The following PLEKHA7 variants were observed in gnomAD, a reference collection of about 807,000 sequenced individuals.
The protein encoded by PLEKHA7 is pleckstrin homology domain containing A7, also known as pleckstrin homology domain-containing family A member 7.
A neutral mutation model predicts 170.0 loss-of-function variants in PLEKHA7; 104 were observed. The observed-to-expected ratio is 0.61, with a 90% CI of 0.52 to 0.72. The LOEUF is 0.72. PLEKHA7 is among the 30% of genes least tolerant of loss of function. PLEKHA7 has a pLI of 0.00. For missense variants in PLEKHA7, 1,615 were observed against 1,671.7 expected (o/e 0.97, Z 0.59); for synonymous variants, 648 against 660.8 (o/e 0.98, Z 0.30).
chr11:16,954,337 G>A (rs1861573249), intron 3 of PLEKHA7, among the ~76,000 whole-genome samples: 1 of 151,994 alleles, frequency 6.6e-6, no homozygotes, highest in Admixed American at 6.6e-5. Flanking sequence ...GCAACACTGT[G>A]AGACTCCATC....
intron 3 of PLEKHA7, among the ~76,000 whole-genome samples, chr11:16,894,926 T>C (rs1034181024): frequency 3.3e-5 from 5 of 152,068 alleles, no homozygotes; most frequent in African/African-American, 1.2e-4. Flanking sequence ...TCATATCGTA[T>C]TACCATCCTA....
chr11:16,792,134 C>T (rs1038469350), intron 19 of PLEKHA7, among the ~76,000 whole-genome samples: 1 of 151,576 alleles, frequency 6.6e-6, no homozygotes, highest in Non-Finnish European at 1.5e-5. Flanking sequence ...GCCTAAGATA[C>T]GCACTGGTTC....
chr11:16,882,364 C>A (rs1232009399), intron 3 of PLEKHA7, among the ~76,000 whole-genome samples: 1 of 152,160 alleles, frequency 6.6e-6, no homozygotes, highest in African/African-American at 2.4e-5. Context: ...AGCTTTAGGG[C>A]CCCTCACTTT....
chr11:17,004,821 C>G (rs1864887670), intron 3 of PLEKHA7, among the ~76,000 whole-genome samples: 1 of 152,174 alleles, frequency 6.6e-6, no homozygotes, highest in African/African-American at 2.4e-5. Context: ...AACATTAACT[C>G]AAAATATTTC....
At chr11:16,887,055 T>C (rs937072857) in intron 3 of PLEKHA7, among the ~76,000 whole-genome samples, 21 of 151,838 alleles carry the variant, frequency 1.4e-4, no homozygotes, top group East Asian at 5.8e-4. Context: ...GTTGAGAAAA[T>C]TGAAAAACAA....
intron 3 of PLEKHA7, among the ~76,000 whole-genome samples, chr11:16,917,130 A>T (rs1278439563): frequency 1.3e-5 from 2 of 152,096 alleles, no homozygotes; most frequent in Non-Finnish European, 2.9e-5. Context: ...GAGTCAGGAG[A>T]ATCACTTGAA....
chr11:16,965,452 A>G (rs200956728), intron 3 of PLEKHA7, among the ~76,000 whole-genome samples: 1 of 152,202 alleles, frequency 6.6e-6, no homozygotes, highest in East Asian at 1.9e-4. Context: ...AACTCACAAA[A>G]CCCACCACCC....
In PLEKHA7 at chr11:16,967,867, C is replaced by T. The variant is rs145988811; in HGVS notation, c.221+46122G>A. Among the ~76,000 whole-genome samples the T allele has an allele frequency of 3.9e-3, 591 of 152,292 alleles. 5 individuals carry two copies. The highest frequency in any genetic ancestry group is 0.012 in the African/African-American group (507 of 41,558). ...CACCCCACCCCTCACCAGCCAACTT[C>T]AGACCTTTCTTTAGACTAATTGCCC... On this transcript the variant is annotated intron_variant, in intron 3 of 26. Transcript: ENST00000531066.
In PLEKHA7 at chr11:16,827,398, A is replaced by T. The variant is rs555862327; in HGVS notation, c.873-808T>A. On this transcript the variant is annotated intron_variant, in intron 9 of 26. Coordinates refer to ENST00000531066, the MANE Select transcript of PLEKHA7 (RefSeq NM_001329630.2). Reference sequence around the variant, plus strand: ...AGATCGATTATTTGCTCAAGATCAAACAGCTGGAACAGAGTGGAGCCTGGG... The same window carrying T: ...AGATCGATTATTTGCTCAAGATCAATCAGCTGGAACAGAGTGGAGCCTGGG... 1.1e-4 allele frequency among the ~76,000 whole-genome samples: 17 copies of T among 152,376 alleles called. 1 individual carries two copies. The East Asian group carries it at 3.3e-3, about 29-fold the overall frequency.
At position 16,826,359 on chromosome 11, in the gene PLEKHA7, G is replaced by A. The variant is rs186309558; in HGVS notation, c.1104C>T (p.Ala368=). 1.1e-4 allele frequency: 171 copies of A among 1,614,242 alleles called. No individual in the cohort carries two copies. The Middle Eastern group carries it at 1.3e-3, about 12-fold the overall frequency. Residue 368 remains alanine, a synonymous_variant, in exon 10 of 27, where the codon GCC becomes GCT. Transcript: ENST00000531066. ...AATCCATAAACAAGGCATCCTCCTC[G>A]GCTGGCGAGTACGGAGACCTGGCCT... is the stretch of plus-strand genomic sequence containing the variant. The part of the protein sequence containing the change: ...RSKARSPYSP[A]EEDALFMDLP...
At chr11:16,964,166 A>C (rs1862231088) in intron 3 of PLEKHA7, among the ~76,000 whole-genome samples, 1 of 152,230 alleles carries the variant, frequency 6.6e-6, no homozygotes, top group African/African-American at 2.4e-5. Flanking sequence ...TTCAGGGCTC[A>C]GTAATATTCA....
chr11:16,936,524 G>T (rs1037131366), intron 3 of PLEKHA7, among the ~76,000 whole-genome samples: 1 of 151,768 alleles, frequency 6.6e-6, no homozygotes, highest in Non-Finnish European at 1.5e-5. Flanking sequence ...GTACTTCCTG[G>T]CATGTTGTCA....
intron 6 of PLEKHA7, among the ~76,000 whole-genome samples, chr11:16,854,657 G>C (rs923374079): frequency 6.6e-6 from 1 of 152,192 alleles, no homozygotes; most frequent in Non-Finnish European, 1.5e-5. Context: ...ATAGCACCAG[G>C]GGCCAAAGTG....
rs141866123 is a variant in PLEKHA7, at chr11:16,867,474, C to T, written c.305+3625G>A. 8.8e-4 allele frequency among the ~76,000 whole-genome samples: 134 copies of T among 152,256 alleles called. 1 individual carries two copies. The highest frequency in any genetic ancestry group is 3.0e-3 in the African/African-American group (125 of 41,550). On this transcript the variant is annotated intron_variant, in intron 4 of 26. Transcript: ENST00000531066. ...TCTTTGGAGAAGAAAAAGAAAGGAGCCAGTTTTCCTTTTTCCACCCAAGAC... is the reference window on the plus strand; with the variant it reads ...TCTTTGGAGAAGAAAAAGAAAGGAGTCAGTTTTCCTTTTTCCACCCAAGAC...
At chr11:16,846,006 C>T (rs1344635481) in intron 8 of PLEKHA7, among the ~76,000 whole-genome samples, 4 of 152,016 alleles carry the variant, frequency 2.6e-5, no homozygotes, top group Admixed American at 1.3e-4. Context: ...GAAAAGAGGC[C>T]GGGTGTAGTG....
At chr11:16,833,035 T>C (rs1380258981) in intron 9 of PLEKHA7, among the ~76,000 whole-genome samples, 2 of 152,190 alleles carry the variant, frequency 1.3e-5, no homozygotes, top group Non-Finnish European at 2.9e-5. Flanking sequence ...CTCTTTTGAA[T>C]GAGTTCCTAG....
intron 3 of PLEKHA7, among the ~76,000 whole-genome samples, chr11:16,928,099 T>C (rs1348216698): frequency 6.6e-6 from 1 of 152,162 alleles, no homozygotes; most frequent in African/African-American, 2.4e-5. Flanking sequence ...CTATGGCATG[T>C]CATCCTCACA....
intron 23 of PLEKHA7, chr11:16,787,725 G>A (rs1470867253): frequency 6.6e-6 from 1 of 152,144 alleles, no homozygotes; most frequent in Admixed American, 6.5e-5. Context: ...TTTTTTAAGA[G>A]AAAAATTACA....
intron 9 of PLEKHA7, among the ~76,000 whole-genome samples, chr11:16,832,152 G>A (rs1851167422): frequency 1.3e-5 from 2 of 152,184 alleles, no homozygotes; most frequent in Admixed American, 1.3e-4. Flanking sequence ...TGGGTAGAAG[G>A]TGATAAAAAG....
Sources: allele counts gnomAD v4.1 joint callset (sites outside exome capture counted in the v4.1 genomes callset), GRCh38; gene constraint gnomAD v4.1.1; transcripts MANE v1.5; gene names NCBI Gene and HGNC (gene_info 2026-07-23, HGNC 2026-07-21).